ANKRD44: variants seen among roughly 807,000 people sequenced by gnomAD.
ANKRD44 encodes ankyrin repeat domain 44, also known as serine/threonine-protein phosphatase 6 regulatory ankyrin repeat subunit B.
Under a neutral mutation model 116.0 loss-of-function variants are expected in ANKRD44, and 35 were observed. The observed-to-expected ratio is 0.30, with a 90% CI of 0.23 to 0.40. The LOEUF is 0.40. Ranked by LOEUF, ANKRD44 falls within the 10% of genes least tolerant of loss-of-function variation. The pLI, the probability that ANKRD44 is intolerant of heterozygous loss-of-function variation, is 1.00. For missense variants in ANKRD44, 1,014 were observed against 1,242.6 expected (o/e 0.82, Z 2.77); for synonymous variants, 435 against 461.8 (o/e 0.94, Z 0.74).
At position 197,083,419 on chromosome 2, in the gene ANKRD44, G is replaced by C; in HGVS notation, c.1407C>G (p.Asp469Glu). Residue 469 changes from aspartate (D) to glutamate (E), a missense_variant, in exon 14 of 28, where the codon GAC becomes GAG. Asp to Glu is a conservative substitution (Grantham distance 45). Coordinates refer to ENST00000282272, the MANE Select transcript of ANKRD44 (RefSeq NM_001195144.2). Reference sequence around the variant, plus strand: ...CGTAATGCAAAGCTGTGCGTCCCCAGTCATCTGTTTCATTAACGTTGGCCC... The same window carrying C: ...CGTAATGCAAAGCTGTGCGTCCCCACTCATCTGTTTCATTAACGTTGGCCC... The part of the protein sequence containing the change: ...TTGANVNETD[D>E]WGRTALHYAA... The C allele has an allele frequency of 6.2e-7, 1 of 1,613,896 alleles. No homozygotes were observed. The highest frequency in any genetic ancestry group is 8.5e-7 in the Non-Finnish European group (1 of 1,179,908).
chr2:197,216,317 A>G (rs2081441646), intron 1 of ANKRD44, among the ~76,000 whole-genome samples: 1 of 152,228 alleles, frequency 6.6e-6, no homozygotes, highest in South Asian at 2.1e-4. Flanking sequence ...AAGAGCAGCA[A>G]TATTTCCTCC....
At chr2:197,226,904 A>G (rs2081730947) in intron 1 of ANKRD44, among the ~76,000 whole-genome samples, 1 of 152,118 alleles carries the variant, frequency 6.6e-6, no homozygotes, top group Admixed American at 6.5e-5. Flanking sequence ...TACATCTCAG[A>G]ATTTGATTCC....
chr2:197,163,940 T>C lies in ANKRD44; in HGVS notation c.112-16835A>G, dbSNP rs573958231. On this transcript the variant is annotated intron_variant, in intron 2 of 27. Coordinates refer to ENST00000282272, the MANE Select transcript of ANKRD44 (RefSeq NM_001195144.2). ...TCCGCGCCCGGCCACCACTATTTCT[T>C]AAAAGGTGAGGGTTTAAGAGATTAC... Among the ~76,000 whole-genome samples the C allele has an allele frequency of 2.0e-5, 3 of 152,216 alleles. No homozygotes were observed. The South Asian group carries it at 6.2e-4, about 32-fold the overall frequency.
At position 197,203,993 on chromosome 2, in the gene ANKRD44, T is replaced by C. The variant is rs2081151386; in HGVS notation, c.28-16887A>G. 6.6e-6 allele frequency among the ~76,000 whole-genome samples: 1 copy of C among 152,164 alleles called. No homozygotes were observed. Among genetic ancestry groups the C allele is most frequent in the Non-Finnish European group, 1.5e-5 (1 of 68,016 alleles). On this transcript the variant is annotated intron_variant, in intron 1 of 27. Coordinates refer to ENST00000282272, the MANE Select transcript of ANKRD44 (RefSeq NM_001195144.2). The surrounding 1 kb of genome is among the most constrained non-coding windows in gnomAD (Gnocchi z 4.1). Reference sequence around the variant, plus strand: ...ACTGCTTCATGGATACAGAGTTTCATTTGGGGTGGTGAAAATGTTCTGGAA... The same window carrying C: ...ACTGCTTCATGGATACAGAGTTTCACTTGGGGTGGTGAAAATGTTCTGGAA...
chr2:196,989,749 G>A (rs761809981), intron 27 of ANKRD44, 100 bp from the exon 28 acceptor site: 215 of 1,514,934 alleles, frequency 1.4e-4, no homozygotes, highest in Non-Finnish European at 1.8e-4. Flanking sequence ...TCTACTTTCT[G>A]CTTTCACTTT....
At chr2:197,267,803 A>C (rs2082781149) in intron 1 of ANKRD44, among the ~76,000 whole-genome samples, 1 of 152,204 alleles carries the variant, frequency 6.6e-6, no homozygotes, top group Non-Finnish European at 1.5e-5. Context: ...GTCCAAGGGA[A>C]GAAGCCATTC....
At chr2:197,039,201 A>G (rs1230036052) in intron 16 of ANKRD44, among the ~76,000 whole-genome samples, 1 of 152,158 alleles carries the variant, frequency 6.6e-6, no homozygotes. Context: ...AAAAGAGGGG[A>G]GGAATGTTTA....
chr2:197,186,771 AT>A lies in ANKRD44; in HGVS notation c.111+251del, dbSNP rs999398181. Among the ~76,000 whole-genome samples the A allele has an allele frequency of 3.3e-5, 5 of 150,766 alleles. No individual in the cohort carries two copies. The South Asian group carries it at 8.4e-4, about 25-fold the overall frequency. ...CCACTGCGCCCAGCCTAAATGTGTT[AT>A]TTTTTTTAAAAGCACATATATTACC... On this transcript the variant is annotated intron_variant, in intron 2 of 27. Coordinates refer to ENST00000282272, the MANE Select transcript of ANKRD44 (RefSeq NM_001195144.2).
Position 197,005,785 on chromosome 2 carries a change from C to T in ANKRD44, c.2256G>A (p.Leu752=), listed in dbSNP as rs768639873. The change falls in exon 21 of 28, where the codon CTG becomes CTA. Residue 752 remains leucine (L), a synonymous_variant. Coordinates refer to ENST00000282272, the MANE Select transcript of ANKRD44 (RefSeq NM_001195144.2). Reference sequence around the variant, plus strand: ...AAAGAGCCATTTGGAGCAGCTCGCTCAGCCACGTGGCGTGGCCACGAGCAG... The same window carrying T: ...AAAGAGCCATTTGGAGCAGCTCGCTTAGCCACGTGGCGTGGCCACGAGCAG... ...YAAARGHATW[L]SELLQMALSE... The T allele has an allele frequency of 2.5e-6, 4 of 1,614,270 alleles. No homozygotes were observed. Among genetic ancestry groups the T allele is most frequent in the South Asian group, 1.1e-5 (1 of 91,076 alleles).
At chr2:197,157,599 G>A (rs190644099) in intron 2 of ANKRD44, among the ~76,000 whole-genome samples, 30 of 142,142 alleles carry the variant, frequency 2.1e-4, no homozygotes, top group African/African-American at 7.4e-4. Flanking sequence ...AATTGCTTGA[G>A]CCCAAGAGGC....
At chr2:197,299,283 T>C (rs1044449599) in intron 1 of ANKRD44, among the ~76,000 whole-genome samples, 2 of 152,170 alleles carry the variant, frequency 1.3e-5, no homozygotes, top group Admixed American at 6.5e-5. Context: ...TTAACAAATA[T>C]GTATAAGATT....
intron 1 of ANKRD44, among the ~76,000 whole-genome samples, chr2:197,273,978 A>AT (rs58865111): frequency 4.0e-5 from 2 of 49,720 alleles, no homozygotes. Context: ...AAAAAAAAAA[A>AT]AAATATATAT....
intron 1 of ANKRD44, among the ~76,000 whole-genome samples, chr2:197,194,631 T>C (rs1574247688): frequency 6.6e-6 from 1 of 152,162 alleles, no homozygotes; most frequent in Admixed American, 6.5e-5. Context: ...ATACCTCCTA[T>C]GGAGAAATAT....
intron 7 of ANKRD44, 97 bp from the exon 8 acceptor site, chr2:197,121,641 T>C (rs1574495515): frequency 9.9e-7 from 1 of 1,014,966 alleles, no homozygotes; most frequent in Non-Finnish European, 1.5e-6. Flanking sequence ...AGAAAGGAAA[T>C]AGCCATCCGC....
At chr2:197,264,196 G>A (rs1031181708) in intron 1 of ANKRD44, among the ~76,000 whole-genome samples, 6 of 152,244 alleles carry the variant, frequency 3.9e-5, no homozygotes, top group African/African-American at 1.2e-4. Context: ...TATCTTAGCT[G>A]AAAGATAGAA....
intron 2 of ANKRD44, among the ~76,000 whole-genome samples, chr2:197,167,259 A>G (rs991631454): frequency 3.3e-5 from 5 of 152,294 alleles, no homozygotes; most frequent in Admixed American, 3.3e-4. Context: ...ATACATTTTT[A>G]TTCTTTCATA....
At chr2:197,277,866 T>C (rs762346275) in intron 1 of ANKRD44, among the ~76,000 whole-genome samples, 1 of 152,152 alleles carries the variant, frequency 6.6e-6, no homozygotes, top group Non-Finnish European at 1.5e-5. Flanking sequence ...CACATATGGC[T>C]GGAAAGACTC....
At chr2:197,063,190 C>A (rs938527081) in intron 16 of ANKRD44, among the ~76,000 whole-genome samples, 1 of 152,108 alleles carries the variant, frequency 6.6e-6, no homozygotes, top group Non-Finnish European at 1.5e-5. Flanking sequence ...CCCAGGCAAA[C>A]AGGGGCTGGA....
intron 16 of ANKRD44, among the ~76,000 whole-genome samples, chr2:197,027,173 C>A (rs2076611304): frequency 6.6e-6 from 1 of 151,964 alleles, no homozygotes; most frequent in Non-Finnish European, 1.5e-5. Context: ...CCAGGCTGGG[C>A]AAGATGGCGA....
Sources: gnomAD v4.1 joint callset for allele counts (sites outside exome capture counted in the v4.1 genomes callset) on GRCh38, gnomAD v4.1.1 for gene constraint, Gnocchi (gnomAD v3.1) non-coding constraint, MANE v1.5 for transcripts, NCBI Gene and HGNC (gene_info 2026-07-23, HGNC 2026-07-21) for gene names.